SGCD: variants seen among roughly 807,000 people sequenced by gnomAD.
SGCD encodes the protein sarcoglycan delta.
SGCD carries 18 observed loss-of-function variants against 36.6 expected under a neutral mutation model. The observed-to-expected ratio is 0.49, with a 90% CI of 0.34 to 0.73. SGCD has a LOEUF of 0.73. SGCD is among the 30% of genes least tolerant of loss of function. The pLI, the probability that SGCD is intolerant of heterozygous loss-of-function variation, is 0.01. For missense variants in SGCD, 387 were observed against 346.7 expected, an observed-to-expected ratio of 1.12 and a Z score of -0.92; for synonymous variants, 133 against 130.6, an observed-to-expected ratio of 1.02 and a Z score of -0.12.
rs551667785 is a variant in SGCD, at chr5:156,567,290, A to AATGG, written c.295-21921_295-21918dup. Reference sequence around the variant, plus strand: ...GAACCAATAGAGTGTGGAGGGGGTGAATGGATGGATGGATGGATGGATGAA... The same window carrying AATGG: ...GAACCAATAGAGTGTGGAGGGGGTGAATGGATGGATGGATGGATGGATGGATGAA... On this transcript the variant is annotated intron_variant, in intron 4 of 8. Coordinates refer to ENST00000337851, the MANE Select transcript of SGCD (RefSeq NM_000337.6). Among the ~76,000 whole-genome samples, 302 of 149,588 alleles carry AATGG rather than the reference A, an allele frequency of 2.0e-3. 1 individual carries two copies. Among genetic ancestry groups the AATGG allele is most frequent in the African/African-American group, 6.9e-3 (280 of 40,786 alleles).
At chr5:155,840,266 C>T in the SGCD span, among the ~76,000 whole-genome samples, 3 of 150,244 alleles carry the variant, frequency 2.0e-5, no homozygotes, top group African/African-American at 7.3e-5. Flanking sequence ...TCTTTTGAGC[C>T]GGAGTCTTGC....
chr5:156,267,643 T>C (rs936746488), intron 3 of SGCD, among the ~76,000 whole-genome samples: 1 of 152,214 alleles, frequency 6.6e-6, no homozygotes, highest in African/African-American at 2.4e-5. Context: ...TCAAGCCAGC[T>C]GCAGGGACAG....
chr5:156,676,956 G>A (rs1753538922), intron 7 of SGCD, among the ~76,000 whole-genome samples: 1 of 152,280 alleles, frequency 6.6e-6, no homozygotes, highest in South Asian at 2.1e-4. Flanking sequence ...TAAATACCTA[G>A]GCAAGGTGAT....
intron 3 of SGCD, among the ~76,000 whole-genome samples, chr5:156,451,249 A>T (rs1163094133): frequency 6.6e-6 from 1 of 152,136 alleles, no homozygotes; most frequent in African/African-American, 2.4e-5. Context: ...TGTGGACAAG[A>T]TGGAGAAATA....
intron 7 of SGCD, among the ~76,000 whole-genome samples, chr5:156,695,146 G>GTC (rs1754262181): frequency 6.6e-6 from 1 of 151,188 alleles, no homozygotes; most frequent in Admixed American, 6.6e-5. Flanking sequence ...GTTTGTGTGT[G>GTC]TGTGTGTGTG....
chr5:155,795,314 T>C, the SGCD span, among the ~76,000 whole-genome samples: 1 of 152,136 alleles, frequency 6.6e-6, no homozygotes, highest in Non-Finnish European at 1.5e-5. Flanking sequence ...TAGGAGTTCA[T>C]ATAGATTAAA....
chr5:156,555,730 TTTTAAGATCGGC>T (rs1758994428), intron 4 of SGCD, among the ~76,000 whole-genome samples: 1 of 152,080 alleles, frequency 6.6e-6, no homozygotes, highest in South Asian at 2.1e-4. Context: ...CCATTTGAAT[TTTTAAGATCGGC>T]TCTCCAGGAT....
At chr5:156,258,795 A>G (rs2127664196) in intron 3 of SGCD, among the ~76,000 whole-genome samples, 1 of 152,250 alleles carries the variant, frequency 6.6e-6, no homozygotes, top group Non-Finnish European at 1.5e-5. Context: ...TTTAAAATGA[A>G]CTCATAAGGG....
intron 3 of SGCD, among the ~76,000 whole-genome samples, chr5:156,266,241 T>C (rs114948875): frequency 6.6e-6 from 1 of 152,336 alleles, no homozygotes; most frequent in African/African-American, 2.4e-5. Context: ...GAATGTGGCT[T>C]ACGCCAAAAA....
At chr5:156,715,767 T>C (rs1226135785) in intron 7 of SGCD, among the ~76,000 whole-genome samples, 4 of 152,306 alleles carry the variant, frequency 2.6e-5, no homozygotes, top group South Asian at 4.1e-4. Context: ...AAGGCTGTTA[T>C]GAGGATTAAA....
intron 3 of SGCD, among the ~76,000 whole-genome samples, chr5:156,303,084 G>C (rs1216493692): frequency 2.0e-5 from 3 of 152,142 alleles, no homozygotes. Context: ...CTCCAGCCTT[G>C]GACATGTCCA....
chr5:156,511,087 T>C (rs1376458116), intron 4 of SGCD, among the ~76,000 whole-genome samples: 1 of 152,262 alleles, frequency 6.6e-6, no homozygotes, highest in Non-Finnish European at 1.5e-5. Flanking sequence ...ATGAGCTATA[T>C]GCAGTGCTTT....
At chr5:155,842,110 A>G in the SGCD span, among the ~76,000 whole-genome samples, 3 of 152,104 alleles carry the variant, frequency 2.0e-5, no homozygotes, top group South Asian at 2.1e-4. Flanking sequence ...AAGAGAGGAA[A>G]GATAGGGGAA....
At chr5:156,327,621 C>A (rs1418872063) in intron 1 of SGCD, among the ~76,000 whole-genome samples, 1 of 152,170 alleles carries the variant, frequency 6.6e-6, no homozygotes, top group Non-Finnish European at 1.5e-5. Context: ...TGCTTCACTT[C>A]GCAAGAGTTT....
Position 156,379,644 on chromosome 5 carries a change from T to G in SGCD, c.192+34967T>G, listed in dbSNP as rs1580898949. ...TAAAGCATCTGTCTGGCTGCTGTAATGAGAATACACAGCAGAAGGGGAGAG... is the reference window on the plus strand; with the variant it reads ...TAAAGCATCTGTCTGGCTGCTGTAAGGAGAATACACAGCAGAAGGGGAGAG... On this transcript the variant is annotated intron_variant, in intron 3 of 8. Transcript: ENST00000337851. 2.0e-5 allele frequency among the ~76,000 whole-genome samples: 3 copies of G among 151,894 alleles called. No individual in the cohort carries two copies. In the East Asian group the frequency reaches 5.8e-4, roughly 29 times the overall value.
At chr5:156,011,356 A>C (rs142195109) in intron 1 of SGCD, among the ~76,000 whole-genome samples, 1,879 of 152,056 alleles carry the variant, frequency 0.012, 18 homozygotes, top group Middle Eastern at 0.017. Flanking sequence ...AGTTTACTGA[A>C]CTCTGGTTAT....
rs78215352 is a variant in SGCD at position 156,055,149 on chromosome 5, T to A, written c.-281-62729T>A. On this transcript the variant is annotated intron_variant, in intron 1 of 9. Transcript: ENST00000517913. ...AGCAGTGCCAGCTTCCAGTTTTCTA[T>A]TTTTTTTTTTCCCCATAGAAGAATT... Among the ~76,000 whole-genome samples, 22 of 104,320 alleles carry A rather than the reference T, an allele frequency of 2.1e-4. 5 individuals are homozygous for A. Among genetic ancestry groups the A allele is most frequent in the African/African-American group, 1.6e-3 (17 of 10,330 alleles). The allele number at this position is 104,320 out of a possible 152,430, so 68.4% of individuals were successfully genotyped here.
intron 7 of SGCD, among the ~76,000 whole-genome samples, chr5:156,678,822 T>C (rs1337462085): frequency 6.6e-6 from 1 of 152,186 alleles, no homozygotes; most frequent in Non-Finnish European, 1.5e-5. Flanking sequence ...GTATGCCCTA[T>C]TAACATTTTA....
upstream of SGCD, among the ~76,000 whole-genome samples, chr5:156,325,792 A>C (rs1767791759): frequency 6.6e-6 from 1 of 152,164 alleles, no homozygotes; most frequent in Admixed American, 6.5e-5. Flanking sequence ...CCAACTCCAA[A>C]GATCTGATTC....
Sources: allele counts gnomAD v4.1 joint callset (sites outside exome capture counted in the v4.1 genomes callset), GRCh38; gene constraint gnomAD v4.1.1; transcripts MANE v1.5; gene names NCBI Gene and HGNC (gene_info 2026-07-23, HGNC 2026-07-21).